TAFA2: variants seen among roughly 807,000 people sequenced by gnomAD.
TAFA2 encodes TAFA chemokine like family member 2, also known as chemokine-like protein TAFA-2.
TAFA2 carries 7 observed loss-of-function variants against 18.8 expected under a neutral mutation model. The observed-to-expected ratio is 0.37, with a 90% confidence interval of 0.21 to 0.70. The LOEUF (loss-of-function observed/expected upper bound fraction) is 0.70. Ranked by LOEUF, TAFA2 falls within the 30% of genes least tolerant of loss-of-function variation. The pLI, the probability that TAFA2 is intolerant of heterozygous loss-of-function variation, is 0.53. For synonymous variants in TAFA2, 60 were observed against 54.2 expected (o/e 1.11, Z -0.47); for missense variants, 122 against 158.1 (o/e 0.77, Z 1.23).
intron 1 of TAFA2, chr12:62,206,906 T>A (rs1012083004): frequency 3.3e-5 from 5 of 152,190 alleles, no homozygotes; most frequent in Admixed American, 2.6e-4. Flanking sequence ...AAGTATTGAG[T>A]TCATGATATA....
chr12:62,072,764 T>G (rs1049711921), intron 1 of TAFA2, among the ~76,000 whole-genome samples: 1 of 152,172 alleles, frequency 6.6e-6, no homozygotes, highest in Non-Finnish European at 1.5e-5. Context: ...TCAGCCTGAG[T>G]GACAGAGTGA....
At position 61,747,616 on chromosome 12, in the gene TAFA2, C is replaced by A. The variant is rs575263603; in HGVS notation, c.384+6006G>T. 1.7e-3 allele frequency among the ~76,000 whole-genome samples: 253 copies of A among 149,098 alleles called. 2 individuals are homozygous for A. In the Middle Eastern group the frequency reaches 0.031, roughly 18 times the overall value. ...CATTCTCAGTAAACTATGGCAAGAA[C>A]AAAAAACCAAACACCGCATATTCTC... On this transcript the variant is annotated intron_variant, in intron 4 of 4. Transcript: ENST00000416284.
chr12:62,054,408 C>G (rs760421777), intron 1 of TAFA2, among the ~76,000 whole-genome samples: 1 of 152,076 alleles, frequency 6.6e-6, no homozygotes, highest in Non-Finnish European at 1.5e-5. Context: ...CCAGGACACT[C>G]GAATCTAAGT....
chr12:61,895,080 C>A (rs932726227), intron 1 of TAFA2, among the ~76,000 whole-genome samples: 1 of 152,086 alleles, frequency 6.6e-6, no homozygotes, highest in Admixed American at 6.5e-5. Flanking sequence ...TTTACATAAG[C>A]CAAGGGCGTT....
chr12:62,109,511 G>A (rs751692601), intron 1 of TAFA2, among the ~76,000 whole-genome samples: 2 of 152,080 alleles, frequency 1.3e-5, no homozygotes, highest in Non-Finnish European at 2.9e-5. Flanking sequence ...TTCTAATTCT[G>A]TGAAGAAAGT....
intron 1 of TAFA2, chr12:62,235,192 A>C: frequency 1.5e-6 from 1 of 663,918 alleles, no homozygotes; most frequent in Non-Finnish European, 2.9e-6. Context: ...ATCATCCGGA[A>C]AGGAGTGGGA....
At chr12:61,999,190 C>T (rs1880297373) in intron 1 of TAFA2, among the ~76,000 whole-genome samples, 1 of 152,142 alleles carries the variant, frequency 6.6e-6, no homozygotes, top group Non-Finnish European at 1.5e-5. Context: ...AACTGAATGA[C>T]AAATTCAAAA....
In TAFA2 at chr12:61,708,387, G is replaced by C. The variant is rs913739212; in HGVS notation, c.*2019C>G. The C allele has an allele frequency of 1.3e-5, 2 of 151,830 alleles. No homozygotes were observed. The highest frequency in any genetic ancestry group is 2.9e-5 in the Non-Finnish European group (2 of 67,948). 9.4% of individuals were successfully genotyped at this position (151,830 alleles called of 1,614,324 possible). On this transcript the variant is annotated 3_prime_UTR_variant, in exon 5 of 5. Transcript: ENST00000416284. ...CATGTTTTTTTTCTATTATATGCAT[G>C]TATTACACTTGTATATAATACAGAG...
chr12:61,848,269 T>C (rs549349220), intron 2 of TAFA2, among the ~76,000 whole-genome samples: 1 of 152,348 alleles, frequency 6.6e-6, no homozygotes, highest in South Asian at 2.1e-4. Context: ...GTATGACCCA[T>C]ACTTTAATTT....
chr12:62,253,553 C>T (rs1415735867), intron 1 of TAFA2: 1 of 152,204 alleles, frequency 6.6e-6, no homozygotes, highest in African/African-American at 2.4e-5. Flanking sequence ...ACAGAGAATT[C>T]ATTTCCTTGT....
At chr12:61,959,542 C>T (rs1878811431) in intron 1 of TAFA2, among the ~76,000 whole-genome samples, 1 of 151,962 alleles carries the variant, frequency 6.6e-6, no homozygotes, top group Non-Finnish European at 1.5e-5. Flanking sequence ...ATTCTATCAG[C>T]TGTTTTTATT....
At chr12:61,754,724 G>A in intron 3 of TAFA2, 148 bp downstream of exon 3, 3 of 723,058 alleles carry the variant, frequency 4.1e-6, no homozygotes, top group Non-Finnish European at 6.1e-6. Flanking sequence ...ATTTCAAAAT[G>A]CCACCCAAAT....
intron 1 of TAFA2, among the ~76,000 whole-genome samples, chr12:62,255,660 C>A (rs943882137): frequency 6.6e-6 from 1 of 151,898 alleles, no homozygotes. Context: ...CGAGACCAGC[C>A]TGGCCAACAT....
chr12:62,081,077 C>G (rs915457377), intron 1 of TAFA2, among the ~76,000 whole-genome samples: 1 of 151,684 alleles, frequency 6.6e-6, no homozygotes, highest in African/African-American at 2.4e-5. Flanking sequence ...CGCCTGTAGT[C>G]CCAGCTACTC....
chr12:61,792,631 G>A (rs1330794500), intron 2 of TAFA2, among the ~76,000 whole-genome samples: 1 of 151,540 alleles, frequency 6.6e-6, no homozygotes, highest in Non-Finnish European at 1.5e-5. Flanking sequence ...GAAAACTGAT[G>A]TGAGTATATT....
intron 4 of TAFA2, among the ~76,000 whole-genome samples, chr12:61,743,623 A>C (rs1460373360): frequency 6.6e-6 from 1 of 152,082 alleles, no homozygotes; most frequent in Non-Finnish European, 1.5e-5. Flanking sequence ...TATTAGGTGC[A>C]CTTCACAAAC....
chr12:61,762,193 T>C (rs1322200794), intron 2 of TAFA2, among the ~76,000 whole-genome samples: 2 of 152,112 alleles, frequency 1.3e-5, no homozygotes, highest in Non-Finnish European at 2.9e-5. Context: ...TCTAGCAGTG[T>C]GAGAACAGAC....
At chr12:61,923,598 G>A (rs528585944) in intron 1 of TAFA2, among the ~76,000 whole-genome samples, 59 of 152,186 alleles carry the variant, frequency 3.9e-4, no homozygotes, top group African/African-American at 1.2e-3. Context: ...CAACATCAAA[G>A]ACCAAAGGTA....
At chr12:61,909,775 G>C (rs1295263896) in intron 1 of TAFA2, among the ~76,000 whole-genome samples, 2 of 152,134 alleles carry the variant, frequency 1.3e-5, no homozygotes, top group East Asian at 3.9e-4. Flanking sequence ...CCACAAACCT[G>C]TGAAAAATTA....
Sources: gnomAD v4.1 joint callset for allele counts (sites outside exome capture counted in the v4.1 genomes callset) on GRCh38, gnomAD v4.1.1 for gene constraint, MANE v1.5 for transcripts, NCBI Gene and HGNC (gene_info 2026-07-23, HGNC 2026-07-21) for gene names.